Variants in CEP85L observed in about 807,000 individuals in gnomAD.
CEP85L encodes centrosomal protein 85L.
A neutral mutation model predicts 100.3 loss-of-function variants in CEP85L; 60 were observed. That is an observed-to-expected ratio of 0.60 (90% CI 0.49 to 0.74). The LOEUF (loss-of-function observed/expected upper bound fraction) is 0.74, where lower values mean the gene tolerates loss of function less well. CEP85L is among the 30% of genes least tolerant of loss of function. CEP85L has a pLI of 0.00. For missense variants in CEP85L, 973 were observed against 936.2 expected (o/e 1.04, Z -0.51); for synonymous variants, 319 against 322.7 (o/e 0.99, Z 0.12).
At chr6:118,690,647 G>C (rs1025023505) in intron 1 of CEP85L, among the ~76,000 whole-genome samples, 5 of 152,236 alleles carry the variant, frequency 3.3e-5, no homozygotes, top group Admixed American at 6.5e-5. Flanking sequence ...ATCCAAAGCT[G>C]CTGGTGGCCA....
intron 1 of CEP85L, among the ~76,000 whole-genome samples, chr6:118,637,087 AAT>A: frequency 6.6e-6 from 1 of 152,318 alleles, no homozygotes; most frequent in East Asian, 1.9e-4. Flanking sequence ...TCATCTACTC[AAT>A]ATGATACCTA....
rs115593278 is a variant in CEP85L at position 118,642,884 on chromosome 6, G to A, written c.73+8313C>T. On this transcript the variant is annotated intron_variant, in intron 1 of 12. Coordinates refer to ENST00000368491, the MANE Select transcript of CEP85L (RefSeq NM_001042475.3). ...CCAGCCTGGGTGACAGAGAGACTCCGTCTCAAAAACAAAAAAAGCTGTGTT... is the reference window on the plus strand; with the variant it reads ...CCAGCCTGGGTGACAGAGAGACTCCATCTCAAAAACAAAAAAAGCTGTGTT... 3.8e-3 allele frequency among the ~76,000 whole-genome samples: 573 copies of A among 152,212 alleles called. 3 individuals carry two copies. The highest frequency in any genetic ancestry group is 0.013 in the African/African-American group (545 of 41,538).
chr6:118,524,868 G>A (rs1003587539), intron 3 of CEP85L, among the ~76,000 whole-genome samples: 1 of 152,186 alleles, frequency 6.6e-6, no homozygotes, highest in Admixed American at 6.5e-5. Context: ...CATGCGTTCT[G>A]GGGGAAATGG....
At chr6:118,609,507 TTTTC>T (rs1224084023) in intron 2 of CEP85L, among the ~76,000 whole-genome samples, 2 of 152,202 alleles carry the variant, frequency 1.3e-5, no homozygotes, top group Admixed American at 1.3e-4. Context: ...TTTCTCTTCA[TTTTC>T]TTTTTCACTT....
intron 3 of CEP85L, among the ~76,000 whole-genome samples, chr6:118,530,778 C>T (rs147518342): frequency 3.3e-5 from 5 of 151,634 alleles, no homozygotes; most frequent in African/African-American, 1.2e-4. Flanking sequence ...GAATAAAATA[C>T]CTAAGAATAC....
At chr6:118,633,803 C>T (rs1187981252) in intron 1 of CEP85L, among the ~76,000 whole-genome samples, 2 of 152,190 alleles carry the variant, frequency 1.3e-5, no homozygotes, top group African/African-American at 4.8e-5. Flanking sequence ...CCTGTAGAAG[C>T]ACAAATCTTT....
intron 3 of CEP85L, chr6:118,558,981 G>T: frequency 6.2e-7 from 1 of 1,612,304 alleles, no homozygotes; most frequent in South Asian, 1.1e-5. Context: ...CCATTGAAAT[G>T]CCTCAACAAG....
intron 8 of CEP85L, 55 bp downstream of exon 8, chr6:118,481,724 G>C: frequency 9.6e-7 from 1 of 1,040,844 alleles, no homozygotes; most frequent in Middle Eastern, 3.2e-4. Flanking sequence ...TAAGTAAAAT[G>C]TTTTATGAAA....
intron 2 of CEP85L, among the ~76,000 whole-genome samples, chr6:118,625,786 G>T (rs947324822): frequency 6.6e-6 from 1 of 152,068 alleles, no homozygotes; most frequent in Non-Finnish European, 1.5e-5. Flanking sequence ...CCCCTTTCTA[G>T]GCCCTGTAAC....
intron 1 of CEP85L, among the ~76,000 whole-genome samples, chr6:118,669,697 C>A (rs1014718504): frequency 1.3e-5 from 2 of 151,982 alleles, no homozygotes; most frequent in African/African-American, 2.4e-5. Context: ...CCTTTCATAT[C>A]CACAGTGAAT....
chr6:118,530,782 A>C (rs559384337), intron 3 of CEP85L, among the ~76,000 whole-genome samples: 2 of 152,208 alleles, frequency 1.3e-5, no homozygotes, highest in African/African-American at 4.8e-5. Flanking sequence ...AAAATACCTA[A>C]GAATACAACT....
chr6:118,476,579 T>A (rs1193526054), intron 10 of CEP85L, among the ~76,000 whole-genome samples: 1 of 152,216 alleles, frequency 6.6e-6, no homozygotes, highest in African/African-American at 2.4e-5. Context: ...TGACTTATGA[T>A]CCATTTTCCC....
intron 5 of CEP85L, among the ~76,000 whole-genome samples, chr6:118,493,207 T>C (rs138738476): frequency 1.7e-3 from 253 of 152,224 alleles, no homozygotes; most frequent in African/African-American, 5.4e-3. Flanking sequence ...GAACAGGCAT[T>C]CTAGAAAGAA....
chr6:118,707,204 T>TC (rs925032778), intron 1 of CEP85L, among the ~76,000 whole-genome samples: 2 of 151,074 alleles, frequency 1.3e-5, no homozygotes, highest in African/African-American at 4.9e-5. Context: ...TTTTTTTTTT[T>TC]TCTTTTTTGA....
chr6:118,529,061 C>T lies in CEP85L; in HGVS notation c.1021-5141G>A, dbSNP rs1232492955. ...AATGTGGAAATAAATCAGGTATCTA[C>T]CCCGGAACCATTTATCTTTTGAAAG... On this transcript the variant is annotated intron_variant, in intron 3 of 12. Transcript: ENST00000368491. Among the ~76,000 whole-genome samples the T allele has an allele frequency of 3.9e-5, 6 of 152,126 alleles. No homozygotes were observed. The East Asian group carries it at 1.2e-3, about 29-fold the overall frequency.
At chr6:118,558,621 GCACATACACACACACA>G (rs1407022162) in intron 3 of CEP85L, among the ~76,000 whole-genome samples, 13 of 60,012 alleles carry the variant, frequency 2.2e-4, no homozygotes, top group African/African-American at 6.2e-4. Flanking sequence ...AGAAACACGT[GCACATACACACACACA>G]CACACACACA....
At chr6:118,569,204 T>C (rs1310956077) in intron 2 of CEP85L, among the ~76,000 whole-genome samples, 1 of 151,202 alleles carries the variant, frequency 6.6e-6, no homozygotes. Context: ...TAGCCAGGTG[T>C]GGTGGCAGGC....
intron 5 of CEP85L, among the ~76,000 whole-genome samples, chr6:118,509,846 A>C (rs1026324533): frequency 6.6e-6 from 1 of 152,150 alleles, no homozygotes; most frequent in African/African-American, 2.4e-5. Context: ...AACAAGTTTT[A>C]AAGGAAGCTC....
intron 5 of CEP85L, among the ~76,000 whole-genome samples, chr6:118,507,786 C>A (rs1004067275): frequency 1.6e-4 from 25 of 152,160 alleles, no homozygotes; most frequent in African/African-American, 6.0e-4. Context: ...GGTTCTCAAA[C>A]TAGATTATCA....
Sources: gnomAD v4.1 joint callset for allele counts (sites outside exome capture counted in the v4.1 genomes callset) on GRCh38, gnomAD v4.1.1 for gene constraint, MANE v1.5 for transcripts, NCBI Gene and HGNC (gene_info 2026-07-23, HGNC 2026-07-21) for gene names.